Variants in TRIM43 observed in about 807,000 individuals in gnomAD.
The protein encoded by TRIM43 is tripartite motif-containing protein 43.
In TRIM43, 12 loss-of-function variants were observed where a neutral mutation model predicts 27.7. The ratio of observed to expected loss-of-function variants is 0.43; its 90% CI spans 0.28 to 0.70. The LOEUF is 0.70. TRIM43 is among the 30% of genes least tolerant of loss of function. TRIM43 has a pLI of 0.17. For synonymous variants in TRIM43, 64 were observed against 121.9 expected (o/e 0.52, Z 3.13); for missense variants, 186 against 356.5 (o/e 0.52, Z 3.85).
At chr2:95,595,330 G>C (rs921804128) in intron 3 of TRIM43, among the ~76,000 whole-genome samples, 185 bp downstream of exon 3, 28 of 151,518 alleles carry the variant, frequency 1.8e-4, no homozygotes, top group Non-Finnish European at 3.5e-4. Flanking sequence ...TTTCAGATAA[G>C]TAAAAAATAA....
chr2:95,592,797 A>G (rs1199053772), intron 1 of TRIM43, among the ~76,000 whole-genome samples: 3 of 151,638 alleles, frequency 2.0e-5, no homozygotes, highest in Non-Finnish European at 4.4e-5. Context: ...CTGGGATTAC[A>G]GGCTTGAGTC....
Position 95,594,062 on chromosome 2 carries a change from C to A in TRIM43, c.39C>A (p.Leu13=). The part of the protein sequence containing the change: ...SDFSHAFQKE[L]TCVICLNYLV... ...TCTCACATGCCTTCCAGAAGGAACTCACCTGCGTCATCTGTTTGAACTACC... is the reference window on the plus strand; with the variant it reads ...TCTCACATGCCTTCCAGAAGGAACTAACCTGCGTCATCTGTTTGAACTACC... Residue 13 remains leucine, a synonymous_variant, in exon 2 of 7, where the codon CTC becomes CTA. Transcript: ENST00000272395. 1 of 1,613,124 alleles carries A rather than the reference C, an allele frequency of 6.2e-7. No homozygotes were observed. The highest frequency in any genetic ancestry group is 8.5e-7 in the Non-Finnish European group (1 of 1,179,680).
intron 1 of TRIM43, among the ~76,000 whole-genome samples, chr2:95,593,158 G>A (rs1181787333): frequency 1.3e-5 from 2 of 151,468 alleles, no homozygotes; most frequent in Non-Finnish European, 1.5e-5. Context: ...CAGCCACCTC[G>A]GCCTCCCAAA....
rs537451960 is a variant in TRIM43, at chr2:95,595,511, T to C, written c.507+366T>C. Among the ~76,000 whole-genome samples, 1,080 of 151,430 alleles carry C rather than the reference T, an allele frequency of 7.1e-3. 16 individuals carry two copies. The highest frequency in any genetic ancestry group is 8.9e-3 in the Non-Finnish European group (606 of 67,864). On this transcript the variant is annotated intron_variant, in intron 3 of 6. Coordinates refer to ENST00000272395, the MANE Select transcript of TRIM43 (RefSeq NM_138800.3). ...GGGGGAAGAAATCGGGTGGGAACAG[T>C]AATTTAAGAAATGTGCCTGTGCTGG...
Position 95,594,779 on chromosome 2 carries a change from G to A in TRIM43, c.412-271G>A, listed in dbSNP as rs1159951437. ...ATGGGAGTAGCACACTACAAAATCA[G>A]GGGCTAGCATAGTGGGTTCTGAAGC... On this transcript the variant is annotated intron_variant, in intron 2 of 6. Coordinates refer to ENST00000272395, the MANE Select transcript of TRIM43 (RefSeq NM_138800.3). Among the ~76,000 whole-genome samples the A allele has an allele frequency of 2.0e-5, 3 of 151,130 alleles. 1 individual carries two copies. The highest frequency in any genetic ancestry group is 7.3e-5 in the African/African-American group (3 of 41,040).
At chr2:95,594,527 C>T in intron 2 of TRIM43, 93 bp downstream of exon 2, 1 of 1,520,314 alleles carries the variant, frequency 6.6e-7, no homozygotes, top group Non-Finnish European at 8.8e-7. Context: ...TTACTCCATT[C>T]TTTACTGAGT....
At chr2:95,593,929 A>T (rs1266255161) in intron 1 of TRIM43, 91 bp from the exon 2 acceptor site, 1 of 1,538,124 alleles carries the variant, frequency 6.5e-7, no homozygotes, top group Non-Finnish European at 8.7e-7. Flanking sequence ...GAAAGAAAGG[A>T]TATTATTCGA....
chr2:95,593,961 G>T, intron 1 of TRIM43, 59 bp from the exon 2 acceptor site: 1 of 1,549,854 alleles, frequency 6.5e-7, no homozygotes, highest in Non-Finnish European at 8.7e-7. Context: ...TTCAAACTTT[G>T]CTTGGATCTT....
Position 95,594,441 on chromosome 2 carries a change from G to GAT in TRIM43, c.411+9_411+10dup, listed in dbSNP as rs1685318566. On this transcript the variant is annotated splice_region_variant and intron_variant, in intron 2 of 6. Transcript: ENST00000272395. Reference sequence around the variant, plus strand: ...GGCAGCTGAGGAACACCGGGTAAGAGATAGCTCTGTGATCACCTGAAAGCT... The same window carrying GAT: ...GGCAGCTGAGGAACACCGGGTAAGAGATATAGCTCTGTGATCACCTGAAAGCT... The GAT allele has an allele frequency of 6.2e-7, 1 of 1,610,204 alleles. No homozygotes were observed. The highest frequency in any genetic ancestry group is 1.7e-5 in the Admixed American group (1 of 59,880).
chr2:95,593,874 T>C (rs1685303043), intron 1 of TRIM43, 146 bp from the exon 2 acceptor site: 33 of 1,470,376 alleles, frequency 2.2e-5, no homozygotes, highest in Non-Finnish European at 2.4e-5. Context: ...TAGTTTTCTG[T>C]TTTTCCTATT....
chr2:95,592,677 T>C (rs909858683), intron 1 of TRIM43, among the ~76,000 whole-genome samples: 1 of 150,504 alleles, frequency 6.6e-6, no homozygotes, highest in Non-Finnish European at 1.5e-5. Flanking sequence ...GGCCTTTTTT[T>C]TTTAAATTTA....
Position 95,595,198 on chromosome 2 carries a change from A to C in TRIM43, c.507+53A>C, listed in dbSNP as rs549042869. 66 of 1,319,692 alleles carry C rather than the reference A, an allele frequency of 5.0e-5. 2 individuals carry two copies. Among genetic ancestry groups the C allele is most frequent in the East Asian group, 2.4e-4 (10 of 42,218 alleles). 81.7% of individuals were successfully genotyped at this position (1,319,692 alleles called of 1,614,324 possible). On this transcript the variant is annotated intron_variant, in intron 3 of 6. Transcript: ENST00000272395. Reference sequence around the variant, plus strand: ...ACCAGCTTGAGACAGGCATGCTGACAACATTTATATTAGCAACTTGAGTTG... The same window carrying C: ...ACCAGCTTGAGACAGGCATGCTGACCACATTTATATTAGCAACTTGAGTTG...
chr2:95,593,019 C>G (rs1415684907), intron 1 of TRIM43, among the ~76,000 whole-genome samples: 2 of 151,610 alleles, frequency 1.3e-5, no homozygotes, highest in Non-Finnish European at 2.9e-5. Flanking sequence ...GCCTCCGCCT[C>G]CAGAGTAGCT....
At position 95,596,372 on chromosome 2, in the gene TRIM43, G is replaced by C; in HGVS notation, c.678G>C (p.Leu226Phe). The change falls in exon 4 of 7, where the codon TTG (leucine) becomes TTC (phenylalanine). Residue 226 changes from leucine to phenylalanine, a missense_variant. This residue lies in a region of TRIM43 where 20 missense variants were observed against 30.4 expected (regional missense o/e 0.66). Transcript: ENST00000272395. ...AAATGGATCAAAAGAGTAAACACTT[G>C]AAAGAAATGTATCAGGAACTAATGG... ...WVKMDQKSKH[L>F]KEMYQELMEM... The C allele has an allele frequency of 6.2e-7, 1 of 1,606,016 alleles. No individual in the cohort carries two copies. The highest frequency in any genetic ancestry group is 8.5e-7 in the Non-Finnish European group (1 of 1,175,332).
Position 95,596,267 on chromosome 2 carries a change from T to C in TRIM43, c.573T>C (p.His191=), listed in dbSNP as rs762626805. 10 of 1,609,670 alleles carry C rather than the reference T, an allele frequency of 6.2e-6. No individual in the cohort carries two copies. Among genetic ancestry groups the C allele is most frequent in the Middle Eastern group, 1.7e-4 (1 of 5,952 alleles). The change falls in exon 4 of 7, where the codon CAT becomes CAC. Residue 191 remains histidine, a synonymous_variant. Coordinates refer to ENST00000272395, the MANE Select transcript of TRIM43 (RefSeq NM_138800.3). ...NEYRKLHPVL[H]KEEKQHLERL... Reference sequence around the variant, plus strand: ...ATAGGAAGCTGCATCCGGTTCTCCATAAGGAAGAAAAACAACATTTAGAGA... The same window carrying C: ...ATAGGAAGCTGCATCCGGTTCTCCACAAGGAAGAAAAACAACATTTAGAGA...
chr2:95,592,767 C>T (rs553415409), intron 1 of TRIM43, among the ~76,000 whole-genome samples: 1 of 151,618 alleles, frequency 6.6e-6, no homozygotes. Context: ...AAAAAACCTG[C>T]CTGACGGCCT....
chr2:95,595,043 T>C lies in TRIM43; in HGVS notation c.412-7T>C, dbSNP rs1294973728. On this transcript the variant is annotated splice_polypyrimidine_tract_variant and splice_region_variant and intron_variant, in intron 2 of 6. Transcript: ENST00000272395. The stretch of plus-strand genomic sequence containing the variant: ...TTCTGTTGTTCAACCTTGTAATTCT[T>C]TTGCAGGAGAAACTCTTAAAGCAAA... 6.2e-7 allele frequency: 1 copy of C among 1,607,716 alleles called. No individual in the cohort carries two copies. Among genetic ancestry groups the C allele is most frequent in the Admixed American group, 1.7e-5 (1 of 59,666 alleles).
chr2:95,593,803 C>T (rs898295558), intron 1 of TRIM43, among the ~76,000 whole-genome samples: 1 of 151,862 alleles, frequency 6.6e-6, no homozygotes, highest in African/African-American at 2.4e-5. Flanking sequence ...GTTTGGAAAG[C>T]TGGTCATGTG....
At position 95,594,044 on chromosome 2, in the gene TRIM43, T is replaced by A. The variant is rs779845345; in HGVS notation, c.21T>A (p.His7Gln). Residue 7 changes from histidine to glutamine, a missense_variant, in exon 2 of 7, where the codon CAT becomes CAA. Physicochemically the swap from His to Gln is conservative, Grantham distance 24 (BLOSUM62 0). This residue lies in a region of TRIM43 where 41 missense variants were observed against 46.1 expected (regional missense o/e 0.89). Transcript: ENST00000272395. MDSDFSHAFQKELTCVI... is the reference protein window; with the variant it reads MDSDFSQAFQKELTCVI... The stretch of plus-strand genomic sequence containing the variant: ...GGAAAATGGACTCAGACTTCTCACA[T>A]GCCTTCCAGAAGGAACTCACCTGCG... 2.7e-5 allele frequency: 43 copies of A among 1,612,906 alleles called. No homozygotes were observed. Among genetic ancestry groups the A allele is most frequent in the Non-Finnish European group, 3.5e-5 (41 of 1,179,640 alleles).
Sources: allele counts gnomAD v4.1 joint callset (sites outside exome capture counted in the v4.1 genomes callset), GRCh38; gene constraint gnomAD v4.1.1; regional missense constraint gnomAD v4.1.1; transcripts MANE v1.5; gene names NCBI Gene and HGNC (gene_info 2026-07-23, HGNC 2026-07-21).